The following YTHDF3 variants were observed in gnomAD, a reference collection of about 807,000 sequenced individuals.
YTHDF3 encodes the protein YTH domain-containing family protein 3.
In YTHDF3, 9 loss-of-function variants were observed where a neutral mutation model predicts 52.5. That is an observed-to-expected ratio of 0.17 (90% CI 0.10 to 0.30). The LOEUF (loss-of-function observed/expected upper bound fraction) is 0.30, where lower values mean the gene tolerates loss of function less well. Among genes scored for constraint, YTHDF3 ranks in the 10% least tolerant of loss-of-function variants. YTHDF3 has a pLI of 1.00. For synonymous variants in YTHDF3, 274 were observed against 243.3 expected (o/e 1.13, Z -1.18); for missense variants, 534 against 715.0 (o/e 0.75, Z 2.89).
intron 2 of YTHDF3, among the ~76,000 whole-genome samples, chr8:63,171,874 C>T (rs1183487729): frequency 6.6e-6 from 1 of 152,124 alleles, no homozygotes; most frequent in Non-Finnish European, 1.5e-5. Flanking sequence ...GATCCTGTTT[C>T]TTTTCTGAAT....
intron 4 of YTHDF3, among the ~76,000 whole-genome samples, chr8:63,204,287 C>G (rs1033047197): frequency 6.6e-6 from 1 of 151,870 alleles, no homozygotes; most frequent in African/African-American, 2.4e-5. Context: ...GACCATTTCT[C>G]CCTTAATTAA....
intron 4 of YTHDF3, among the ~76,000 whole-genome samples, chr8:63,195,284 G>GA (rs913854708): frequency 1.5e-4 from 23 of 152,296 alleles, no homozygotes; most frequent in Admixed American, 3.3e-4. Context: ...CCCATTAAAA[G>GA]AAGCTGTAAT....
intron 4 of YTHDF3, among the ~76,000 whole-genome samples, chr8:63,208,262 A>G (rs1161873278): frequency 6.6e-6 from 1 of 152,210 alleles, no homozygotes. Context: ...AAAATAAAAA[A>G]GAAAGGACTT....
Position 63,209,998 on chromosome 8 carries a change from G to C in YTHDF3, c.*292G>C, listed in dbSNP as rs1046218307. ...CATCCTAGCTAAGGCACAGAAGACTGAATGAATGCAAGGATTCATTAACTC... is the reference window on the plus strand; with the variant it reads ...CATCCTAGCTAAGGCACAGAAGACTCAATGAATGCAAGGATTCATTAACTC... On this transcript the variant is annotated 3_prime_UTR_variant, in exon 5 of 5. Transcript: ENST00000539294. 1.3e-5 allele frequency: 4 copies of C among 306,690 alleles called. No homozygotes were observed. The highest frequency in any genetic ancestry group is 8.6e-5 in the African/African-American group (4 of 46,312). The allele number at this position is 306,690 out of a possible 1,614,324, so 19.0% of individuals were successfully genotyped here.
intron 4 of YTHDF3, among the ~76,000 whole-genome samples, chr8:63,205,861 T>G (rs1326629610): frequency 6.6e-6 from 1 of 152,074 alleles, no homozygotes; most frequent in Non-Finnish European, 1.5e-5. Context: ...AAATGTGGGG[T>G]TTTTTTGGTC....
intron 4 of YTHDF3, among the ~76,000 whole-genome samples, chr8:63,205,840 C>T (rs1465900426): frequency 6.6e-6 from 1 of 152,152 alleles, no homozygotes; most frequent in Non-Finnish European, 1.5e-5. Flanking sequence ...CACAGTCCAC[C>T]TTGCTGATAT....
At chr8:63,191,522 A>G (rs143192222) in intron 4 of YTHDF3, among the ~76,000 whole-genome samples, 263 of 152,268 alleles carry the variant, frequency 1.7e-3, no homozygotes, top group African/African-American at 5.8e-3. Flanking sequence ...TCTTGATTTT[A>G]TTGAGCACAA....
Position 63,174,119 on chromosome 8 carries a change from G to A in YTHDF3, c.50-1212G>A, listed in dbSNP as rs1807529345. 2.0e-5 allele frequency among the ~76,000 whole-genome samples: 3 copies of A among 152,120 alleles called. No individual in the cohort carries two copies. In the South Asian group the frequency reaches 6.2e-4, roughly 32 times the overall value. ...ATAATAAAAATGTTATATTACAGAG[G>A]AATACGCAATTTAAACCCGTCACCC... On this transcript the variant is annotated intron_variant, in intron 2 of 4. Transcript: ENST00000539294.
intron 4 of YTHDF3, among the ~76,000 whole-genome samples, chr8:63,194,928 C>T (rs980817729): frequency 1.3e-5 from 2 of 152,118 alleles, no homozygotes; most frequent in Admixed American, 1.3e-4. Context: ...TCATGTTTTT[C>T]TTTAAATTCT....
At chr8:63,209,185 G>A (rs1672761631) in intron 4 of YTHDF3, among the ~76,000 whole-genome samples, 2 of 152,102 alleles carry the variant, frequency 1.3e-5, no homozygotes. Context: ...ACTTTTTAAT[G>A]TGAAAAGTTA....
At chr8:63,196,551 G>A (rs1304063405) in intron 4 of YTHDF3, among the ~76,000 whole-genome samples, 1 of 147,236 alleles carries the variant, frequency 6.8e-6, no homozygotes, top group Non-Finnish European at 1.5e-5. Flanking sequence ...GACAGAGCAA[G>A]ACTCCGTCTT....
Position 63,210,170 on chromosome 8 carries a change from A to G in YTHDF3, c.*464A>G, listed in dbSNP as rs1027314377. On this transcript the variant is annotated 3_prime_UTR_variant, in exon 5 of 5. Transcript: ENST00000539294. Reference sequence around the variant, plus strand: ...ATTAAAAGCAAAATAATCATGCCATATTTAGTCCTGGAGTTCAAGTCTAAA... The same window carrying G: ...ATTAAAAGCAAAATAATCATGCCATGTTTAGTCCTGGAGTTCAAGTCTAAA... The G allele has an allele frequency of 6.5e-6, 1 of 153,476 alleles. No individual in the cohort carries two copies. Among genetic ancestry groups the G allele is most frequent in the African/African-American group, 2.4e-5 (1 of 41,486 alleles). The allele number at this position is 153,476 out of a possible 1,614,324, so 9.5% of individuals were successfully genotyped here.
At position 63,173,120 on chromosome 8, in the gene YTHDF3, A is replaced by G. The variant is rs186681355; in HGVS notation, c.50-2211A>G. On this transcript the variant is annotated intron_variant, in intron 2 of 4. Transcript: ENST00000539294. Reference sequence around the variant, plus strand: ...AAAAATGACCGTAGACTGTATTTATAATAGTATATGGGTTGTTCTCAGGCC... The same window carrying G: ...AAAAATGACCGTAGACTGTATTTATGATAGTATATGGGTTGTTCTCAGGCC... Among the ~76,000 whole-genome samples the G allele has an allele frequency of 4.9e-3, 728 of 149,936 alleles. 9 individuals are homozygous for G. The highest frequency in any genetic ancestry group is 0.018 in the African/African-American group (705 of 39,928).
chr8:63,171,578 A>G (rs1358710682), intron 2 of YTHDF3, among the ~76,000 whole-genome samples: 1 of 152,214 alleles, frequency 6.6e-6, no homozygotes, highest in African/African-American at 2.4e-5. Context: ...AGGGAGAATT[A>G]CAAGGCAAAG....
chr8:63,196,401 A>C (rs1809241638), intron 4 of YTHDF3, among the ~76,000 whole-genome samples: 1 of 151,988 alleles, frequency 6.6e-6, no homozygotes, highest in Non-Finnish European at 1.5e-5. Flanking sequence ...GTCTCTACTA[A>C]AAATACAAAA....
At chr8:63,185,526 T>C (rs753145108) in intron 3 of YTHDF3, among the ~76,000 whole-genome samples, 13 of 152,194 alleles carry the variant, frequency 8.5e-5, no homozygotes, top group African/African-American at 2.2e-4. Flanking sequence ...GAATTTGTTT[T>C]ATGTCTTTTT....
chr8:63,202,761 C>A (rs537775434), intron 4 of YTHDF3, among the ~76,000 whole-genome samples: 18 of 152,104 alleles, frequency 1.2e-4, no homozygotes, highest in Non-Finnish European at 2.1e-4. Flanking sequence ...CCGCACCTGG[C>A]CTTTGTTCTA....
intron 3 of YTHDF3, among the ~76,000 whole-genome samples, chr8:63,183,246 C>A (rs1808270475): frequency 6.6e-6 from 1 of 152,112 alleles, no homozygotes; most frequent in Admixed American, 6.5e-5. Flanking sequence ...TAGGCATGAA[C>A]CACGGTGTCC....
At position 63,168,859 on chromosome 8, in the gene YTHDF3, T is replaced by C. The variant is rs1231949936; in HGVS notation, c.-19T>C. The stretch of plus-strand genomic sequence containing the variant: ...CCCAGGCAGCGGCGGCGGCGGCGGC[T>C]CTCGGGTTGCGGTGAAGAATGTCAG... On this transcript the variant is annotated 5_prime_UTR_variant, in exon 1 of 5. Coordinates refer to ENST00000539294, the MANE Select transcript of YTHDF3 (RefSeq NM_152758.6). 8 of 1,554,034 alleles carry C rather than the reference T, an allele frequency of 5.1e-6. No homozygotes were observed. Among genetic ancestry groups the C allele is most frequent in the South Asian group, 2.4e-5 (2 of 84,258 alleles).
Sources: gnomAD v4.1 joint callset for allele counts (sites outside exome capture counted in the v4.1 genomes callset) on GRCh38, gnomAD v4.1.1 for gene constraint, MANE v1.5 for transcripts, NCBI Gene and HGNC (gene_info 2026-07-23, HGNC 2026-07-21) for gene names.